ESCO2: variants seen among roughly 807,000 people sequenced by gnomAD.
The protein encoded by ESCO2 is N-acetyltransferase ESCO2.
In ESCO2, 51 loss-of-function variants were observed where a neutral mutation model predicts 61.7. The observed-to-expected ratio is 0.83, with a 90% CI of 0.66 to 1.04. ESCO2 has a LOEUF of 1.04. ESCO2 is among the 50% of genes least tolerant of loss of function. ESCO2 has a pLI of 0.00. For synonymous variants in ESCO2, 230 were observed against 238.2 expected (o/e 0.97, Z 0.32); for missense variants, 692 against 686.2 (o/e 1.01, Z -0.09).
intron 4 of ESCO2, among the ~76,000 whole-genome samples, chr8:27,783,293 GT>G (rs1264948602): frequency 3.3e-5 from 5 of 152,050 alleles, no homozygotes; most frequent in Admixed American, 3.3e-4. Flanking sequence ...ATGTTGTTGG[GT>G]GTATCAGTAG....
chr8:27,815,194 G>C (rs17057902), downstream of ESCO2, among the ~76,000 whole-genome samples: 1,512 of 147,032 alleles, frequency 0.01, 21 homozygotes, highest in African/African-American at 0.036. Flanking sequence ...AGAACAAAAG[G>C]GAGGGGTAAA....
chr8:27,776,656 TA>T lies in ESCO2; in HGVS notation c.351del (p.Lys117AsnfsTer6). 6.2e-7 allele frequency: 1 copy of T among 1,613,842 alleles called. No homozygotes were observed. Among genetic ancestry groups the T allele is most frequent in the Non-Finnish European group, 8.5e-7 (1 of 1,179,990 alleles). The part of the protein sequence containing the change: ...STCLKTNDED[K>X]SFPIVTEKMQ... ...CTTGTCTAAAAACTAATGATGAAGA[TA>T]AATCTTTTCCCATTGTGACAGAAAA... On this transcript the variant is annotated frameshift_variant, in exon 3 of 11. Transcript: ENST00000305188. LOFTEE classifies it high-confidence loss of function.
intron 5 of ESCO2, among the ~76,000 whole-genome samples, chr8:27,786,861 T>G (rs1325831770): frequency 2.9e-5 from 2 of 68,030 alleles, no homozygotes; most frequent in Non-Finnish European, 7.1e-5. Context: ...GGTACTAGGG[T>G]TTTTTTTTTT....
intron 4 of ESCO2, among the ~76,000 whole-genome samples, chr8:27,783,380 GAT>G (rs1321936376): frequency 6.6e-6 from 1 of 152,136 alleles, no homozygotes; most frequent in Non-Finnish European, 1.5e-5. Flanking sequence ...TTTTTGATCA[GAT>G]ATATGATTGC....
At chr8:27,798,865 G>A (rs1805360921) in intron 9 of ESCO2, among the ~76,000 whole-genome samples, 1 of 152,146 alleles carries the variant, frequency 6.6e-6, no homozygotes, top group African/African-American at 2.4e-5. Context: ...ACTGAGGATG[G>A]GAGAGGGGGT....
At chr8:27,798,661 C>T (rs1358216625) in intron 9 of ESCO2, among the ~76,000 whole-genome samples, 2 of 152,114 alleles carry the variant, frequency 1.3e-5, no homozygotes. Context: ...AGCTATGATA[C>T]AGCCATATGA....
chr8:27,788,311 G>A (rs1805094122), intron 6 of ESCO2, among the ~76,000 whole-genome samples: 1 of 152,006 alleles, frequency 6.6e-6, no homozygotes, highest in Non-Finnish European at 1.5e-5. Context: ...TGCCCTCCCT[G>A]TTTGAAATAA....
At position 27,776,461 on chromosome 8, in the gene ESCO2, A is replaced by T. The variant is rs776560182; in HGVS notation, c.153A>T (p.Gln51His). ...ATGAAGAAAACCTGCATTGCTCTCA[A>T]CAAGAGCATTTTGTTTTAAGTGCGC... is the stretch of plus-strand genomic sequence containing the variant. ...DKNEENLHCS[Q>H]QEHFVLSALK... The change falls in exon 3 of 11, where the codon CAA becomes CAT. Residue 51 changes from glutamine (Q) to histidine (H), a missense_variant. Transcript: ENST00000305188. The T allele has an allele frequency of 3.1e-6, 5 of 1,611,574 alleles. No individual in the cohort carries two copies. The Admixed American group carries it at 8.4e-5, about 27-fold the overall frequency.
At chr8:27,817,132 G>A (rs1024397402), downstream of ESCO2, among the ~76,000 whole-genome samples, 4 of 152,084 alleles carry the variant, frequency 2.6e-5, no homozygotes, top group Non-Finnish European at 4.4e-5. Context: ...AGCTGTGAGT[G>A]AGTCCAGGTA....
intron 10 of ESCO2, among the ~76,000 whole-genome samples, chr8:27,801,860 T>C (rs1805433016): frequency 6.6e-6 from 1 of 152,110 alleles, no homozygotes; most frequent in Non-Finnish European, 1.5e-5. Context: ...TATTCTCTTA[T>C]ATAACCATGA....
At chr8:27,781,093 T>G (rs557459242) in intron 4 of ESCO2, among the ~76,000 whole-genome samples, 1 of 152,290 alleles carries the variant, frequency 6.6e-6, no homozygotes, top group African/African-American at 2.4e-5. Flanking sequence ...TGAATAAAAA[T>G]AATACAAATG....
intron 9 of ESCO2, among the ~76,000 whole-genome samples, chr8:27,796,039 G>A (rs1470994895): frequency 6.6e-6 from 1 of 151,364 alleles, no homozygotes; most frequent in African/African-American, 2.4e-5. Flanking sequence ...ATATCTGGTA[G>A]AATTTAGCAG....
chr8:27,773,112 A>T (rs1804691549), upstream of ESCO2, among the ~76,000 whole-genome samples: 1 of 152,130 alleles, frequency 6.6e-6, no homozygotes, highest in South Asian at 2.1e-4. Context: ...TTGAGAAAGC[A>T]CTTTTATCTG....
chr8:27,803,557 C>CAG lies in ESCO2; in HGVS notation c.*120_*121insGA. On this transcript the variant is annotated 3_prime_UTR_variant, in exon 11 of 11. Transcript: ENST00000305188. ...ACCGAGACTCACACTCATACACACACACACACACACGCACACACACATATC... is the reference window on the plus strand; with the variant it reads ...ACCGAGACTCACACTCATACACACACAGACACACACACGCACACACACATATC... 2 of 1,474,504 alleles carry CAG rather than the reference C, an allele frequency of 1.4e-6. No individual in the cohort carries two copies. The highest frequency in any genetic ancestry group is 2.7e-5 in the South Asian group (2 of 72,756). The allele number at this position is 1,474,504 out of a possible 1,614,324, so 91.3% of individuals were successfully genotyped here.
At chr8:27,777,988 T>G (rs753224676) in intron 3 of ESCO2, 1 of 152,218 alleles carries the variant, frequency 6.6e-6, no homozygotes, top group Non-Finnish European at 1.5e-5. Context: ...CAAACCTCAG[T>G]GGCAAAGATA....
In ESCO2 at chr8:27,804,489, G is replaced by A. The variant is rs1017050847; in HGVS notation, c.*1051G>A. ...GTTAGTAAATATACATAGGCTGGTG[G>A]ATGAGAGACCATGGAACTGTGTAAA... is the stretch of plus-strand genomic sequence containing the variant. On this transcript the variant is annotated 3_prime_UTR_variant, in exon 11 of 11. Transcript: ENST00000305188. 1.9e-5 allele frequency: 19 copies of A among 985,230 alleles called. No individual in the cohort carries two copies. Among genetic ancestry groups the A allele is most frequent in the Non-Finnish European group, 2.2e-5 (18 of 829,900 alleles). The allele number at this position is 985,230 out of a possible 1,614,324, so 61.0% of individuals were successfully genotyped here. A position where few individuals can be genotyped will look rare whatever the true frequency, so the allele number is the denominator to read the frequency against.
chr8:27,772,586 C>G (rs767015559), upstream of ESCO2: 15 of 1,540,734 alleles, frequency 9.7e-6, no homozygotes, highest in Non-Finnish European at 1.3e-5. Context: ...CAGCAGCGCT[C>G]AACTCACGAA....
At chr8:27,814,663 C>T (rs1307775381), downstream of ESCO2, among the ~76,000 whole-genome samples, 2 of 152,112 alleles carry the variant, frequency 1.3e-5, no homozygotes, top group African/African-American at 2.4e-5. Context: ...CCTCTGAGCC[C>T]TGCTTTAGCT....
At chr8:27,806,050 C>G (rs1805556052), downstream of ESCO2, among the ~76,000 whole-genome samples, 1 of 152,164 alleles carries the variant, frequency 6.6e-6, no homozygotes, top group Non-Finnish European at 1.5e-5. Context: ...TTGTACATCC[C>G]CCCTTATCTG....
Sources: gnomAD v4.1 joint callset for allele counts (sites outside exome capture counted in the v4.1 genomes callset) on GRCh38, gnomAD v4.1.1 for gene constraint, MANE v1.5 for transcripts, NCBI Gene and HGNC (gene_info 2026-07-23, HGNC 2026-07-21) for gene names.